Variants in LGR4 observed in about 807,000 individuals in gnomAD.
The protein encoded by LGR4 is leucine-rich repeat-containing G protein-coupled receptor 4.
In LGR4, 44 loss-of-function variants were observed where a neutral mutation model predicts 84.8. The ratio of observed to expected loss-of-function variants is 0.52; its 90% confidence interval spans 0.41 to 0.67. The LOEUF (loss-of-function observed/expected upper bound fraction) is 0.67, where lower values mean the gene tolerates loss of function less well. Among genes scored for constraint, LGR4 ranks in the 30% least tolerant of loss-of-function variants. LGR4 has a pLI of 0.00. For missense variants in LGR4, 1,032 were observed against 1,131.4 expected, an observed-to-expected ratio of 0.91 and a Z score of 1.26; for synonymous variants, 429 against 434.3, an observed-to-expected ratio of 0.99 and a Z score of 0.15.
chr11:27,392,526 A>G lies in LGR4; in HGVS notation c.258-8T>C, dbSNP rs745493270. On this transcript the variant is annotated splice_region_variant and splice_polypyrimidine_tract_variant and intron_variant, in intron 2 of 17. Transcript: ENST00000379214. The stretch of plus-strand genomic sequence containing the variant: ...TCGTTGCCCGCCAATTGTCTAGAGA[A>G]AAAAAAAAAAAAAGTAGCAAGAAAA... 5 of 1,148,686 alleles carry G rather than the reference A, an allele frequency of 4.4e-6. No individual in the cohort carries two copies. The highest frequency in any genetic ancestry group is 4.7e-6 in the Non-Finnish European group (4 of 843,948). 71.2% of individuals were successfully genotyped at this position (1,148,686 alleles called of 1,614,324 possible).
chr11:27,405,551 T>C (rs1356733973), intron 2 of LGR4, among the ~76,000 whole-genome samples: 2 of 152,138 alleles, frequency 1.3e-5, no homozygotes, highest in Admixed American at 1.3e-4. Context: ...CCTCCACCCA[T>C]ATCCCACCTG....
At chr11:27,371,791 G>A (rs1862888399) in intron 16 of LGR4, 93 bp from the exon 17 acceptor site, 1 of 821,238 alleles carries the variant, frequency 1.2e-6, no homozygotes, top group Admixed American at 2.1e-5. Flanking sequence ...ATAAGTGTGA[G>A]TTCTCCTTAT....
Position 27,367,911 on chromosome 11 carries a change from G to A in LGR4, c.2812C>T (p.Pro938Ser), listed in dbSNP as rs1324665139. 6.2e-7 allele frequency: 1 copy of A among 1,607,100 alleles called. No individual in the cohort carries two copies. The highest frequency in any genetic ancestry group is 8.5e-7 in the Non-Finnish European group (1 of 1,178,206). ...RACFYQSRGF[P>S]LVRYAYNLPR... ...AGATTGTAAGCATAGCGCACCAAAG[G>A]GAATCCTCTACTCTGGTAGAAGCAG... The change falls in exon 18 of 18, where the codon CCT (proline) becomes TCT (serine). Residue 938 changes from proline (P) to serine (S), a missense_variant. Coordinates refer to ENST00000379214, the MANE Select transcript of LGR4 (RefSeq NM_018490.5).
intron 2 of LGR4, among the ~76,000 whole-genome samples, chr11:27,400,193 T>C (rs1324840544): frequency 6.6e-6 from 1 of 152,152 alleles, no homozygotes; most frequent in Non-Finnish European, 1.5e-5. Flanking sequence ...TCAAGCGATG[T>C]AAATATTCTA....
At chr11:27,394,877 C>A (rs1404272399) in intron 2 of LGR4, among the ~76,000 whole-genome samples, 1 of 152,002 alleles carries the variant, frequency 6.6e-6, no homozygotes, top group Non-Finnish European at 1.5e-5. Flanking sequence ...CCTTCAAGAA[C>A]AGGATGTGCA....
chr11:27,388,699 C>G (rs1863231108), intron 4 of LGR4, among the ~76,000 whole-genome samples: 1 of 152,056 alleles, frequency 6.6e-6, no homozygotes, highest in Admixed American at 6.6e-5. Context: ...TGTTGAAAGT[C>G]TTTGTTATCA....
chr11:27,380,281 G>A lies in LGR4; in HGVS notation c.961C>T (p.Leu321=), dbSNP rs1458708142. 1.9e-6 allele frequency: 3 copies of A among 1,607,246 alleles called. No homozygotes were observed. The highest frequency in any genetic ancestry group is 2.2e-5 in the East Asian group (1 of 44,798). ...AAGGGCCTTACTTACAGACTTTCCA[G>A]GTGGACAGTTCCTGTAAGATTGGGG... The part of the protein sequence containing the change: ...QFPNLTGTVH[L]ESLTLTGTKI... The change falls in exon 10 of 18, where the codon CTG becomes TTG. Residue 321 remains leucine, a synonymous_variant. Transcript: ENST00000379214.
intron 1 of LGR4, among the ~76,000 whole-genome samples, chr11:27,419,560 C>T (rs938481186): frequency 3.0e-5 from 4 of 133,498 alleles, no homozygotes; most frequent in Non-Finnish European, 4.7e-5. Flanking sequence ...CAATCCTAGA[C>T]ATAAATTATA....
At chr11:27,433,652 T>C (rs927260776) in intron 1 of LGR4, among the ~76,000 whole-genome samples, 1 of 152,208 alleles carries the variant, frequency 6.6e-6, no homozygotes, top group African/African-American at 2.4e-5. Flanking sequence ...TGGAATTTTT[T>C]AAATGAACTA....
chr11:27,437,771 G>GCAGGAGGACCTCCTGAGCC (rs1864236965), intron 1 of LGR4, among the ~76,000 whole-genome samples: 1 of 151,044 alleles, frequency 6.6e-6, no homozygotes, highest in African/African-American at 2.4e-5. Context: ...GGAGGTACAG[G>GCAGGAGGACCTCCTGAGCC]CAGGAGGACC....
intron 1 of LGR4, among the ~76,000 whole-genome samples, chr11:27,456,708 A>T (rs1365523182): frequency 6.6e-6 from 1 of 152,214 alleles, no homozygotes; most frequent in Non-Finnish European, 1.5e-5. Flanking sequence ...ACAAAAAAAC[A>T]CTATTAACAT....
chr11:27,369,396 T>A (rs1862839944), intron 17 of LGR4, among the ~76,000 whole-genome samples: 1 of 152,224 alleles, frequency 6.6e-6, no homozygotes, highest in Non-Finnish European at 1.5e-5. Context: ...AAATATTTGA[T>A]AAAGAGTGAT....
At chr11:27,442,476 C>A (rs1310022284) in intron 1 of LGR4, among the ~76,000 whole-genome samples, 3 of 152,180 alleles carry the variant, frequency 2.0e-5, no homozygotes, top group Non-Finnish European at 4.4e-5. Flanking sequence ...CTCATTCTTC[C>A]ATTTTAATGT....
At chr11:27,374,986 T>C (rs1862948061) in intron 13 of LGR4, among the ~76,000 whole-genome samples, 1 of 152,040 alleles carries the variant, frequency 6.6e-6, no homozygotes, top group Non-Finnish European at 1.5e-5. Flanking sequence ...ACTTTTTCTA[T>C]AATAGAAAAA....
intron 2 of LGR4, among the ~76,000 whole-genome samples, chr11:27,394,710 C>T (rs1590359215): frequency 6.6e-6 from 1 of 152,040 alleles, no homozygotes; most frequent in Non-Finnish European, 1.5e-5. Flanking sequence ...TCATTTGTAC[C>T]CCCTTAAACA....
At chr11:27,382,826 G>A (rs1326460894) in intron 6 of LGR4, among the ~76,000 whole-genome samples, 1 of 152,054 alleles carries the variant, frequency 6.6e-6, no homozygotes, top group Non-Finnish European at 1.5e-5. Context: ...AGACCATCCT[G>A]GCCAACATAG....
intron 1 of LGR4, among the ~76,000 whole-genome samples, chr11:27,463,751 A>G (rs1456022758): frequency 6.6e-6 from 1 of 152,220 alleles, no homozygotes. Flanking sequence ...GTGCCACTGC[A>G]CTCTAGCCTG....
chr11:27,438,283 T>C (rs555465480), intron 1 of LGR4, among the ~76,000 whole-genome samples: 1 of 152,202 alleles, frequency 6.6e-6, no homozygotes, highest in South Asian at 2.1e-4. Flanking sequence ...AGAATGAACA[T>C]CTATTTTCCT....
chr11:27,419,556 T>C (rs1260160074), intron 1 of LGR4, among the ~76,000 whole-genome samples: 1 of 140,644 alleles, frequency 7.1e-6, no homozygotes, highest in Non-Finnish European at 1.5e-5. Context: ...CCAGCAATCC[T>C]AGACATAAAT....
Sources: allele counts gnomAD v4.1 joint callset (sites outside exome capture counted in the v4.1 genomes callset), GRCh38; gene constraint gnomAD v4.1.1; transcripts MANE v1.5; gene names NCBI Gene and HGNC (gene_info 2026-07-23, HGNC 2026-07-21).